MICAL3: variants seen among roughly 807,000 people sequenced by gnomAD.
The protein encoded by MICAL3 is microtubule associated monooxygenase, calponin and LIM domain containing 3.
MICAL3 carries 62 observed loss-of-function variants against 207.4 expected under a neutral mutation model. That is an observed-to-expected ratio of 0.30 (90% CI 0.24 to 0.37). The LOEUF is 0.37. MICAL3 is among the 10% of genes least tolerant of loss of function. The pLI, the probability that MICAL3 is intolerant of heterozygous loss-of-function variation, is 1.00. For synonymous variants in MICAL3, 1,077 were observed against 1,069.3 expected, an observed-to-expected ratio of 1.01 and a Z score of -0.14; for missense variants, 2,368 against 2,635.6, an observed-to-expected ratio of 0.90 and a Z score of 2.22.
chr22:18,003,238 C>T lies in MICAL3; in HGVS notation c.-75+21043G>A, dbSNP rs115579509. ...ACTTTCAGCGACAGTATCAACCCCA[C>T]CTTTGGTAAAGATGAATCCTGTCTT... is the stretch of plus-strand genomic sequence containing the variant. On this transcript the variant is annotated intron_variant, in intron 1 of 31. Coordinates refer to ENST00000441493, the MANE Select transcript of MICAL3 (RefSeq NM_015241.3). Among the ~76,000 whole-genome samples the T allele has an allele frequency of 7.3e-3, 1,117 of 152,090 alleles. 19 individuals carry two copies. Among genetic ancestry groups the T allele is most frequent in the African/African-American group, 0.023 (964 of 41,460 alleles).
intron 1 of MICAL3, among the ~76,000 whole-genome samples, chr22:18,000,558 G>A (rs1350342336): frequency 6.6e-6 from 1 of 152,202 alleles, no homozygotes; most frequent in Non-Finnish European, 1.5e-5. Flanking sequence ...CCAGGCGGAG[G>A]GTCTCGCTGC....
chr22:17,876,922 A>C (rs1341017699), intron 16 of MICAL3: 1 of 126,434 alleles, frequency 7.9e-6, no homozygotes, highest in African/African-American at 3.7e-5. Flanking sequence ...GAGGTTATGG[A>C]GGTTAGGGAG....
At chr22:17,907,649 C>T (rs866459486) in intron 1 of MICAL3, among the ~76,000 whole-genome samples, 2 of 152,088 alleles carry the variant, frequency 1.3e-5, no homozygotes, top group African/African-American at 4.8e-5. Context: ...GCAGAAGAGC[C>T]GCAGACTCTG....
intron 16 of MICAL3, chr22:17,879,498 T>C (rs886701275): frequency 1.0e-6 from 1 of 961,824 alleles, no homozygotes; most frequent in Non-Finnish European, 1.6e-6. Flanking sequence ...AAATGCAGAG[T>C]TCAACACATA....
At chr22:17,862,856 G>C in intron 19 of MICAL3, 2 of 985,474 alleles carry the variant, frequency 2.0e-6, no homozygotes, top group Non-Finnish European at 1.2e-6. Context: ...ACCCAAGCTG[G>C]GGGACAGTGC....
rs1359731358 is a variant in MICAL3 at position 17,822,037 on chromosome 22, T to G, written c.3441A>C (p.Gln1147His). 3 of 1,613,850 alleles carry G rather than the reference T, an allele frequency of 1.9e-6. No individual in the cohort carries two copies. The highest frequency in any genetic ancestry group is 1.7e-5 in the Admixed American group (1 of 60,000). Residue 1147 changes from glutamine to histidine, a missense_variant, in exon 24 of 32, where the codon CAA becomes CAC. By Grantham distance (24) the Gln-to-His change is conservative. This residue lies in a region of MICAL3 where 1,770 missense variants were observed against 1,863.2 expected (regional missense o/e 0.95). Coordinates refer to ENST00000441493, the MANE Select transcript of MICAL3 (RefSeq NM_015241.3). ...CATCAAAGACAGGCTCACCTCTCTC[T>G]TGGTGCTTCGGTGAGGCGGGCAGCT... ...EEKLPASPKH[Q>H]ERGPSQATSP...
rs559068017 is a variant in MICAL3, at chr22:17,941,195, A to AT, written c.-74-34310dup. ...TCTTCACTCAGAACTGCTCCACATC[A>AT]TTTTTCTCAGCCTGCATTTGCCCTA... On this transcript the variant is annotated intron_variant, in intron 1 of 31. Transcript: ENST00000441493. 2.7e-3 allele frequency among the ~76,000 whole-genome samples: 404 copies of AT among 151,950 alleles called. 1 individual carries two copies. Among genetic ancestry groups the AT allele is most frequent in the African/African-American group, 9.3e-3 (384 of 41,420 alleles).
intron 27 of MICAL3, chr22:17,812,928 T>A (rs577745931): frequency 6.6e-6 from 1 of 152,166 alleles, no homozygotes; most frequent in Non-Finnish European, 1.5e-5. Context: ...TGAGTGACCA[T>A]GTGCTTGTGG....
chr22:17,928,177 T>C (rs1012139690), intron 1 of MICAL3, among the ~76,000 whole-genome samples: 1 of 152,138 alleles, frequency 6.6e-6, no homozygotes, highest in Non-Finnish European at 1.5e-5. Flanking sequence ...CGGTGGCTCA[T>C]GCCTGTAATC....
intron 1 of MICAL3, among the ~76,000 whole-genome samples, chr22:18,003,434 G>A (rs1463388007): frequency 6.6e-6 from 1 of 152,018 alleles, no homozygotes; most frequent in Admixed American, 6.6e-5. Context: ...CACCCAATGA[G>A]CTGTCCACAA....
intron 27 of MICAL3, among the ~76,000 whole-genome samples, chr22:17,816,043 G>A (rs1180901772): frequency 6.6e-6 from 1 of 152,206 alleles, no homozygotes; most frequent in Admixed American, 6.5e-5. Context: ...GGACAGTGGA[G>A]GTGGGGTGAC....
At chr22:17,895,120 G>T (rs538914219) in intron 10 of MICAL3, among the ~76,000 whole-genome samples, 164 bp downstream of exon 10, 1 of 152,300 alleles carries the variant, frequency 6.6e-6, no homozygotes, top group South Asian at 2.1e-4. Flanking sequence ...TCTGTTGATG[G>T]AAAATGCTAT....
rs149251624 is a variant in MICAL3, at chr22:17,821,410, G to A, written c.3531+17C>T. The A allele has an allele frequency of 8.7e-4, 1,338 of 1,536,988 alleles. 9 individuals carry two copies. The African/African-American group carries it at 0.015, about 17-fold the overall frequency. On this transcript the variant is annotated intron_variant, in intron 25 of 31. Coordinates refer to ENST00000441493, the MANE Select transcript of MICAL3 (RefSeq NM_015241.3). Reference sequence around the variant, plus strand: ...CCATTAGTTCTCTGTACCCCACAGCGAGCCCCAAACCCTTACCTCTGTTGA... The same window carrying A: ...CCATTAGTTCTCTGTACCCCACAGCAAGCCCCAAACCCTTACCTCTGTTGA...
intron 16 of MICAL3, chr22:17,881,291 C>A: frequency 1.2e-6 from 2 of 1,606,162 alleles, no homozygotes; most frequent in South Asian, 2.2e-5. Context: ...CGAGAACACT[C>A]CTTTTCCCGT....
At chr22:17,938,042 ATCTATCTTT>A (rs1379506447) in intron 1 of MICAL3, among the ~76,000 whole-genome samples, 2 of 152,146 alleles carry the variant, frequency 1.3e-5, no homozygotes, top group Non-Finnish European at 2.9e-5. Context: ...TGATTATAGT[ATCTATCTTT>A]ATTTATTAAA....
At chr22:17,849,052 G>A (rs1924939582) in intron 19 of MICAL3, among the ~76,000 whole-genome samples, 2 of 152,240 alleles carry the variant, frequency 1.3e-5, no homozygotes, top group South Asian at 4.1e-4. Flanking sequence ...CTGGCAGGGA[G>A]AGTGTGTTCA....
chr22:17,872,103 A>C, intron 16 of MICAL3, 80 bp from the exon 17 acceptor site: 1 of 1,271,166 alleles, frequency 7.9e-7, no homozygotes, highest in Non-Finnish European at 1.1e-6. Context: ...CAGCCTTGCG[A>C]GAGCAAAGCC....
intron 1 of MICAL3, among the ~76,000 whole-genome samples, chr22:17,976,398 A>G (rs1935631769): frequency 6.6e-6 from 1 of 151,976 alleles, no homozygotes; most frequent in Admixed American, 6.6e-5. Flanking sequence ...ACCTCAGTAC[A>G]CTTGTATCCA....
rs147606870 is a variant in MICAL3 at position 17,865,632 on chromosome 22, A to C, written c.2517+292T>G. Among the ~76,000 whole-genome samples, 639 of 152,298 alleles carry C rather than the reference A, an allele frequency of 4.2e-3. 1 individual carries two copies. Among genetic ancestry groups the C allele is most frequent in the African/African-American group, 0.015 (614 of 41,566 alleles). On this transcript the variant is annotated intron_variant, in intron 18 of 31. Transcript: ENST00000441493. ...CCCAGTGGCAGGGTGTCCTCTCAGA[A>C]AGATGTGTGTTGACGAAGGCAGATG... is the stretch of plus-strand genomic sequence containing the variant.
Sources: gnomAD v4.1 joint callset for allele counts (sites outside exome capture counted in the v4.1 genomes callset) on GRCh38, gnomAD v4.1.1 for gene constraint, gnomAD v4.1.1 regional missense constraint, MANE v1.5 for transcripts, NCBI Gene and HGNC (gene_info 2026-07-23, HGNC 2026-07-21) for gene names.